The following CP variants were observed in gnomAD, a reference collection of about 807,000 sequenced individuals.
The protein encoded by CP is ceruloplasmin, also known as caeruloplasmin.
A neutral mutation model predicts 122.4 loss-of-function variants in CP; 64 were observed. The ratio of observed to expected loss-of-function variants is 0.52; its 90% CI spans 0.43 to 0.64. The LOEUF (loss-of-function observed/expected upper bound fraction) is 0.64, where lower values mean the gene tolerates loss of function less well. Ranked by LOEUF, CP falls within the 30% of genes least tolerant of loss-of-function variation. The probability of loss-of-function intolerance (pLI) is 0.00; values close to 1 mark genes in which losing one functional copy is unlikely to be tolerated. For missense variants in CP, 1,167 were observed against 1,284.4 expected (o/e 0.91, Z 1.40); for synonymous variants, 440 against 436.4 (o/e 1.01, Z -0.10).
At chr3:149,164,221 A>T (rs1174734431) in intron 5 of CP, among the ~76,000 whole-genome samples, 1 of 152,162 alleles carries the variant, frequency 6.6e-6, no homozygotes, top group Non-Finnish European at 1.5e-5. Flanking sequence ...CATTTTCAGG[A>T]TGGGCTTGAA....
intron 9 of CP, 26 bp from the exon 10 acceptor site, chr3:149,188,228 G>C: frequency 6.3e-7 from 1 of 1,595,698 alleles, no homozygotes; most frequent in African/African-American, 1.3e-5. Flanking sequence ...AAATGAGATG[G>C]AGACAGAATG....
intron 1 of CP, among the ~76,000 whole-genome samples, chr3:149,213,707 T>C (rs1203672577): frequency 6.6e-6 from 1 of 151,946 alleles, no homozygotes; most frequent in East Asian, 1.9e-4. Flanking sequence ...TTTGATACTT[T>C]ACCAATTTCT....
At chr3:149,188,269 A>G in intron 9 of CP, 67 bp from the exon 10 acceptor site, 1 of 1,321,438 alleles carries the variant, frequency 7.6e-7, no homozygotes, top group South Asian at 1.2e-5. Flanking sequence ...TGTGCACAAT[A>G]CTATTTATGC....
intron 5 of CP, among the ~76,000 whole-genome samples, chr3:149,163,098 G>A (rs1050629818): frequency 2.0e-5 from 3 of 152,114 alleles, no homozygotes; most frequent in African/African-American, 4.8e-5. Context: ...ACTTATTAAT[G>A]TCCCTCACTT....
chr3:149,199,040 T>C lies in CP; in HGVS notation c.1502-462A>G, dbSNP rs181339054. The stretch of plus-strand genomic sequence containing the variant: ...TTTGCAGGTGATCCTATTTAAATCT[T>C]TCAAATTTACATTTGAATAACCTGT... On this transcript the variant is annotated intron_variant, in intron 8 of 18. Transcript: ENST00000264613. 6.2e-4 allele frequency among the ~76,000 whole-genome samples: 94 copies of C among 152,322 alleles called. 1 individual carries two copies. The highest frequency in any genetic ancestry group is 2.2e-3 in the African/African-American group (93 of 41,578).
At chr3:149,178,286 C>G in intron 16 of CP, 129 bp downstream of exon 16, 1 of 745,072 alleles carries the variant, frequency 1.3e-6, no homozygotes, top group Non-Finnish European at 2.2e-6. Context: ...AGGATTCTAC[C>G]TGACATACAA....
chr3:149,210,515 T>C, intron 2 of CP, 136 bp from the exon 3 acceptor site: 1 of 795,730 alleles, frequency 1.3e-6, no homozygotes, highest in Non-Finnish European at 2.2e-6. Context: ...GTTATCCTAT[T>C]TGGACACAGG....
At chr3:149,216,775 G>A (rs146441234) in intron 1 of CP, among the ~76,000 whole-genome samples, 2 of 152,274 alleles carry the variant, frequency 1.3e-5, no homozygotes, top group East Asian at 3.9e-4. Context: ...GTGTTCTCAG[G>A]AGAAATAGGA....
chr3:149,191,891 A>G (rs1472527179), intron 9 of CP, among the ~76,000 whole-genome samples: 1 of 152,048 alleles, frequency 6.6e-6, no homozygotes, highest in East Asian at 1.9e-4. Flanking sequence ...GACTATAAGA[A>G]TTTACTGAAT....
chr3:149,192,199 A>G (rs762023306), intron 9 of CP, among the ~76,000 whole-genome samples: 1 of 152,122 alleles, frequency 6.6e-6, no homozygotes, highest in Non-Finnish European at 1.5e-5. Flanking sequence ...GTACTGGCAC[A>G]GATAGGTCAC....
chr3:149,185,933 C>G (rs539225910), intron 11 of CP: 2 of 172,528 alleles, frequency 1.2e-5, no homozygotes, highest in Non-Finnish European at 2.5e-5. Flanking sequence ...GGAAGGAAAG[C>G]GTGACACTGG....
At chr3:149,167,233 A>T (rs754731485) in intron 4 of CP, 1 of 1,611,740 alleles carries the variant, frequency 6.2e-7, no homozygotes, top group South Asian at 1.1e-5. Flanking sequence ...CTGAAAGAAG[A>T]GAACCGGGTA....
downstream of CP, chr3:149,167,761 A>G (rs1258894699): frequency 2.9e-6 from 2 of 697,472 alleles, no homozygotes; most frequent in East Asian, 5.4e-5. Flanking sequence ...CTTATGTTAT[A>G]ACAAAGTTAG....
intron 7 of CP, among the ~76,000 whole-genome samples, chr3:149,200,457 C>G (rs892842350): frequency 2.6e-5 from 4 of 152,012 alleles, no homozygotes; most frequent in Non-Finnish European, 4.4e-5. Context: ...AACTATTGTT[C>G]CCATTTTACA....
intron 7 of CP, among the ~76,000 whole-genome samples, chr3:149,201,654 G>A (rs557415041): frequency 1.2e-4 from 18 of 152,110 alleles, no homozygotes; most frequent in Non-Finnish European, 2.5e-4. Flanking sequence ...GCAGTGGCAC[G>A]ATCTTGACTC....
chr3:149,170,026 A>G (rs1724818225), downstream of CP, among the ~76,000 whole-genome samples: 1 of 152,116 alleles, frequency 6.6e-6, no homozygotes. Context: ...AATTTTCCCA[A>G]CCCTAAATCA....
intron 15 of CP, 58 bp from the exon 16 acceptor site, chr3:149,178,689 C>T: frequency 1.5e-6 from 2 of 1,299,228 alleles, no homozygotes; most frequent in Admixed American, 1.9e-5. Flanking sequence ...TTTCAGAGAA[C>T]TGAGACTTTG....
At chr3:149,172,109 G>A, downstream of CP, 1 of 1,613,150 alleles carries the variant, frequency 6.2e-7, no homozygotes, top group Non-Finnish European at 8.5e-7. Flanking sequence ...ATTGTCAATT[G>A]TTGCTGTGGA....
In CP at chr3:149,206,219, G is replaced by T. The variant is rs768656840; in HGVS notation, c.1157C>A (p.Ala386Asp). 1.2e-6 allele frequency: 2 copies of T among 1,614,030 alleles called. No individual in the cohort carries two copies. Among genetic ancestry groups the T allele is most frequent in the Non-Finnish European group, 1.7e-6 (2 of 1,179,906 alleles). ...IAAEEIIWNY[A>D]PSGIDIFTKE... ...AGTGAAGATGTCTATACCAGAGGGAGCATAGTTCCAGATGATTTCCTCAGC... is the reference window on the plus strand; with the variant it reads ...AGTGAAGATGTCTATACCAGAGGGATCATAGTTCCAGATGATTTCCTCAGC... The change falls in exon 6 of 19, where the codon GCT becomes GAT. Residue 386 changes from alanine (A) to aspartate (D), a missense_variant. Physicochemically the swap from Ala to Asp is moderately radical, Grantham distance 126. This residue lies in a region of CP where 642 missense variants were observed against 627.3 expected (regional missense o/e 1.02). Transcript: ENST00000264613.
Sources: gnomAD v4.1 joint callset for allele counts (sites outside exome capture counted in the v4.1 genomes callset) on GRCh38, gnomAD v4.1.1 for gene constraint, gnomAD v4.1.1 regional missense constraint, MANE v1.5 for transcripts, NCBI Gene and HGNC (gene_info 2026-07-23, HGNC 2026-07-21) for gene names.